The following AKAIN1 variants were observed in gnomAD, a reference collection of about 807,000 sequenced individuals.
AKAIN1 encodes the protein A-kinase anchor protein inhibitor 1.
AKAIN1 carries 3 observed loss-of-function variants against 3.7 expected under a neutral mutation model. The ratio of observed to expected loss-of-function variants is 0.82; its 90% CI spans 0.37 to 2.12. The LOEUF (loss-of-function observed/expected upper bound fraction) is 2.12. AKAIN1 is among the 30% of genes most tolerant of loss of function. The probability of loss-of-function intolerance (pLI) is 0.06; values close to 1 mark genes in which losing one functional copy is unlikely to be tolerated. For synonymous variants in AKAIN1, 31 were observed against 30.8 expected, an observed-to-expected ratio of 1.01 and a Z score of -0.02; for missense variants, 82 against 82.7, an observed-to-expected ratio of 0.99 and a Z score of 0.03.
intron 1 of AKAIN1, among the ~76,000 whole-genome samples, chr18:5,157,280 G>A (rs1196509864): frequency 6.6e-6 from 1 of 152,162 alleles, no homozygotes. Flanking sequence ...GCAAGGAGCT[G>A]GTGTCCAGAC....
intron 1 of AKAIN1, among the ~76,000 whole-genome samples, chr18:5,162,625 C>CGTGTGTGT (rs150673471): frequency 3.4e-5 from 5 of 145,774 alleles, no homozygotes; most frequent in African/African-American, 1.0e-4. Context: ...CAATGTGATG[C>CGTGTGTGT]GTGTGTGTGT....
chr18:5,192,233 T>C lies in AKAIN1; in HGVS notation c.16+4805A>G, dbSNP rs540003052. On this transcript the variant is annotated intron_variant, in intron 1 of 1. Coordinates refer to ENST00000434239, the MANE Select transcript of AKAIN1 (RefSeq NM_001145194.2). ...AATAGATGCTCATAAATATAGTCAA[T>C]TAGGTTTTGTTGTTGTTTGTTTTTA... Among the ~76,000 whole-genome samples, 4 of 152,186 alleles carry C rather than the reference T, an allele frequency of 2.6e-5. No homozygotes were observed. The East Asian group carries it at 7.7e-4, about 29-fold the overall frequency.
At chr18:5,162,449 T>G (rs897361036) in intron 1 of AKAIN1, among the ~76,000 whole-genome samples, 57 of 152,072 alleles carry the variant, frequency 3.7e-4, no homozygotes, top group Non-Finnish European at 4.7e-4. Flanking sequence ...AAAATCCACA[T>G]TTCCTGGTCC....
At chr18:5,173,777 C>T (rs976566298) in intron 1 of AKAIN1, among the ~76,000 whole-genome samples, 1 of 152,098 alleles carries the variant, frequency 6.6e-6, no homozygotes, top group Non-Finnish European at 1.5e-5. Flanking sequence ...GCACTGATAG[C>T]GCCTGTAGCA....
At chr18:5,168,908 G>C (rs528902234) in intron 1 of AKAIN1, among the ~76,000 whole-genome samples, 2 of 151,278 alleles carry the variant, frequency 1.3e-5, no homozygotes, top group African/African-American at 4.8e-5. Flanking sequence ...CAACAAAAAG[G>C]GATGGGGGAG....
chr18:5,187,080 A>G (rs1356525328), intron 1 of AKAIN1, among the ~76,000 whole-genome samples: 1 of 152,182 alleles, frequency 6.6e-6, no homozygotes, highest in African/African-American at 2.4e-5. Context: ...TGCTTATTTT[A>G]GAAAACAGAA....
At chr18:5,150,656 GATC>G (rs2071075158) in intron 1 of AKAIN1, among the ~76,000 whole-genome samples, 1 of 152,126 alleles carries the variant, frequency 6.6e-6, no homozygotes, top group African/African-American at 2.4e-5. Context: ...CCCCCATGGG[GATC>G]CGGCCTTCCA....
chr18:5,177,702 T>C (rs2071234159), intron 1 of AKAIN1, among the ~76,000 whole-genome samples: 1 of 152,170 alleles, frequency 6.6e-6, no homozygotes, highest in Non-Finnish European at 1.5e-5. Context: ...TTCCCATATA[T>C]AAACTGCTTC....
At position 5,142,974 on chromosome 18, in the gene AKAIN1, A is replaced by G. The variant is rs1015125580; in HGVS notation, c.*2588T>C. Among the ~76,000 whole-genome samples the G allele has an allele frequency of 6.6e-6, 1 of 152,212 alleles. No homozygotes were observed. Among genetic ancestry groups the G allele is most frequent in the African/African-American group, 2.4e-5 (1 of 41,462 alleles). The stretch of plus-strand genomic sequence containing the variant: ...CAGCAGAGAAAAGTAACATGAAAGG[A>G]TTTCTTTCTTTAGATCCACCCTAGG... On this transcript the variant is annotated 3_prime_UTR_variant, in exon 2 of 2. Transcript: ENST00000434239.
rs146789322 is a variant in AKAIN1 at position 5,180,319 on chromosome 18, G to T, written c.16+16719C>A. ...TGCCCACCTATTTATGGCCTTAACTGATATCTTCAGCTCCATTCCCACCAA... is the reference window on the plus strand; with the variant it reads ...TGCCCACCTATTTATGGCCTTAACTTATATCTTCAGCTCCATTCCCACCAA... On this transcript the variant is annotated intron_variant, in intron 1 of 1. Transcript: ENST00000434239. 3.6e-3 allele frequency among the ~76,000 whole-genome samples: 549 copies of T among 152,178 alleles called. 3 individuals are homozygous for T. The highest frequency in any genetic ancestry group is 0.013 in the African/African-American group (522 of 41,534).
At chr18:5,149,132 C>T (rs554011250) in intron 1 of AKAIN1, among the ~76,000 whole-genome samples, 1 of 152,248 alleles carries the variant, frequency 6.6e-6, no homozygotes, top group Non-Finnish European at 1.5e-5. Flanking sequence ...AAACTAGATG[C>T]GTGTTAACTC....
intron 1 of AKAIN1, among the ~76,000 whole-genome samples, chr18:5,176,993 C>T (rs1352780916): frequency 2.0e-5 from 3 of 151,596 alleles, no homozygotes; most frequent in East Asian, 1.9e-4. Flanking sequence ...ATGTTGGTCT[C>T]GGGATGCAAT....
At chr18:5,190,496 T>C (rs564878422) in intron 1 of AKAIN1, among the ~76,000 whole-genome samples, 29 of 152,156 alleles carry the variant, frequency 1.9e-4, no homozygotes, top group Non-Finnish European at 3.8e-4. Context: ...CAAAACTCTA[T>C]AACCATATAG....
chr18:5,166,844 T>C (rs1455497853), intron 1 of AKAIN1, among the ~76,000 whole-genome samples: 1 of 152,086 alleles, frequency 6.6e-6, no homozygotes, highest in African/African-American at 2.4e-5. Context: ...TCCTCTTGAA[T>C]CAGTTGTAGA....
At position 5,197,106 on chromosome 18, in the gene AKAIN1, G is replaced by C; in HGVS notation, c.-53C>G. Reference sequence around the variant, plus strand: ...ATTAAGAGAGAAAGACAGGCAGACGGAGGATGGGAAGAAGGCCGGACTTGG... The same window carrying C: ...ATTAAGAGAGAAAGACAGGCAGACGCAGGATGGGAAGAAGGCCGGACTTGG... On this transcript the variant is annotated 5_prime_UTR_variant, in exon 1 of 2. Transcript: ENST00000434239. This position sits in a 1 kb window ranked among gnomAD's most constrained non-coding sequence, Gnocchi z 6.9. 6.4e-7 allele frequency: 1 copy of C among 1,550,530 alleles called. No individual in the cohort carries two copies. The highest frequency in any genetic ancestry group is 8.7e-7 in the Non-Finnish European group (1 of 1,146,832).
chr18:5,162,622 ATGCGTGTGTGTGTGTGTGTGTG>A (rs1353001316), intron 1 of AKAIN1, among the ~76,000 whole-genome samples: 2 of 106,768 alleles, frequency 1.9e-5, no homozygotes, highest in African/African-American at 8.4e-5. Flanking sequence ...GTTCAATGTG[ATGCGTGTGTGTGTGTGTGTGTG>A]TGTGTGTGTG....
chr18:5,192,385 T>TTTTCTTTCTCTCTTTC (rs2071323504), intron 1 of AKAIN1, among the ~76,000 whole-genome samples: 2 of 106,990 alleles, frequency 1.9e-5, no homozygotes, highest in Non-Finnish European at 3.8e-5. Context: ...ACAGAGCTAA[T>TTTTCTTTCTCTCTTTC]TTTCTTTCTT....
chr18:5,192,252 G>A (rs1567880900), intron 1 of AKAIN1, among the ~76,000 whole-genome samples: 1 of 152,000 alleles, frequency 6.6e-6, no homozygotes, highest in Non-Finnish European at 1.5e-5. Flanking sequence ...GTTGTTGTTT[G>A]TTTTTAGGAA....
intron 1 of AKAIN1, among the ~76,000 whole-genome samples, chr18:5,158,791 C>T (rs932585416): frequency 6.6e-6 from 1 of 152,182 alleles, no homozygotes; most frequent in Non-Finnish European, 1.5e-5. Context: ...TGAGCCTGTG[C>T]CGAGAAAGCC....
Sources: allele counts gnomAD v4.1 joint callset (sites outside exome capture counted in the v4.1 genomes callset), GRCh38; gene constraint gnomAD v4.1.1; non-coding constraint Gnocchi (gnomAD v3.1); transcripts MANE v1.5; gene names NCBI Gene and HGNC (gene_info 2026-07-23, HGNC 2026-07-21).